ZNRF3: variants seen among roughly 807,000 people sequenced by gnomAD.
ZNRF3 encodes zinc and ring finger 3.
A neutral mutation model predicts 72.5 loss-of-function variants in ZNRF3; 23 were observed. The observed-to-expected ratio is 0.32, with a 90% CI of 0.23 to 0.45. The LOEUF is 0.45. ZNRF3 is among the 20% of genes least tolerant of loss of function. The pLI is 1.00. For missense variants in ZNRF3, 1,169 were observed against 1,272.1 expected (o/e 0.92, Z 1.23); for synonymous variants, 610 against 545.3 (o/e 1.12, Z -1.65).
At position 29,047,311 on chromosome 22, in the gene ZNRF3, A is replaced by G. The variant is rs191918953; in HGVS notation, c.912+428A>G. On this transcript the variant is annotated intron_variant, in intron 6 of 8. Coordinates refer to ENST00000544604, the MANE Select transcript of ZNRF3 (RefSeq NM_001206998.2). Reference sequence around the variant, plus strand: ...ACTAGTACCATAGACGATATATGTCAGGGGCCTAGAATCATCCATGATGAA... The same window carrying G: ...ACTAGTACCATAGACGATATATGTCGGGGGCCTAGAATCATCCATGATGAA... Among the ~76,000 whole-genome samples, 380 of 152,322 alleles carry G rather than the reference A, an allele frequency of 2.5e-3. 1 individual carries two copies. The highest frequency in any genetic ancestry group is 2.5e-3 in the Non-Finnish European group (167 of 68,028).
intron 1 of ZNRF3, among the ~76,000 whole-genome samples, chr22:28,965,049 G>A (rs1326356811): frequency 3.3e-5 from 5 of 152,108 alleles, no homozygotes; most frequent in Non-Finnish European, 7.3e-5. Flanking sequence ...AAAGGATAGA[G>A]CTGGTTCCCA....
chr22:28,966,867 CTTTTT>C (rs530036984), intron 1 of ZNRF3, among the ~76,000 whole-genome samples: 2 of 102,460 alleles, frequency 2.0e-5, no homozygotes, highest in South Asian at 3.3e-4. Context: ...TTTTAAAAAT[CTTTTT>C]TTTTTTTTTT....
At chr22:28,965,956 T>C (rs758764265) in intron 1 of ZNRF3, among the ~76,000 whole-genome samples, 2 of 152,236 alleles carry the variant, frequency 1.3e-5, no homozygotes, top group South Asian at 2.1e-4. Flanking sequence ...TAGTATTTGA[T>C]GTATTGTTAC....
chr22:28,986,122 C>T (rs1233603576), intron 1 of ZNRF3, among the ~76,000 whole-genome samples: 1 of 152,224 alleles, frequency 6.6e-6, no homozygotes, highest in Non-Finnish European at 1.5e-5. Context: ...CAAACTCAAT[C>T]ACATCTGCAA....
chr22:28,937,174 AATATATATATATATAT>A (rs61520434), intron 1 of ZNRF3, among the ~76,000 whole-genome samples: 38 of 78,728 alleles, frequency 4.8e-4, no homozygotes, highest in African/African-American at 2.2e-3. Flanking sequence ...TCTCTCTTAT[AATATATATATATATAT>A]ATATATATAT....
chr22:28,983,127 G>C (rs1335442564), intron 1 of ZNRF3, among the ~76,000 whole-genome samples: 1 of 152,142 alleles, frequency 6.6e-6, no homozygotes, highest in Non-Finnish European at 1.5e-5. Context: ...ATTCCTTTTA[G>C]TTTTAAAGGC....
chr22:28,955,023 A>G (rs891348923), intron 1 of ZNRF3, among the ~76,000 whole-genome samples: 3 of 133,994 alleles, frequency 2.2e-5, no homozygotes, highest in Non-Finnish European at 4.8e-5. Flanking sequence ...GGAAAATGGT[A>G]TTTTTGGTGT....
intron 2 of ZNRF3, among the ~76,000 whole-genome samples, chr22:29,002,806 C>A (rs900981121): frequency 6.6e-6 from 1 of 152,204 alleles, no homozygotes; most frequent in African/African-American, 2.4e-5. Context: ...CTCCAGGCCA[C>A]TCAGCCTTGG....
intron 1 of ZNRF3, among the ~76,000 whole-genome samples, chr22:28,919,536 CTT>C (rs1049657576): frequency 1.2e-4 from 18 of 149,776 alleles, no homozygotes; most frequent in African/African-American, 3.7e-4. Context: ...CTTTTAGCCT[CTT>C]TACTTTTTTT....
intron 1 of ZNRF3, among the ~76,000 whole-genome samples, chr22:28,911,703 A>G (rs1274415655): frequency 1.3e-5 from 2 of 151,458 alleles, no homozygotes; most frequent in African/African-American, 2.4e-5. Flanking sequence ...TTTTTTTTAT[A>G]TATCATGAGT....
chr22:28,934,175 C>T (rs900251068), intron 1 of ZNRF3, among the ~76,000 whole-genome samples: 16 of 152,156 alleles, frequency 1.1e-4, no homozygotes, highest in African/African-American at 3.9e-4. Context: ...TTCTTTACCA[C>T]CTAGCTGTTT....
intron 1 of ZNRF3, among the ~76,000 whole-genome samples, chr22:28,884,284 T>G (rs1259701845): frequency 6.6e-6 from 1 of 152,008 alleles, no homozygotes; most frequent in Non-Finnish European, 1.5e-5. Context: ...CTAGAGCTCC[T>G]GTGAACCCCG....
At chr22:28,920,547 A>C (rs976615299) in intron 1 of ZNRF3, among the ~76,000 whole-genome samples, 3 of 152,234 alleles carry the variant, frequency 2.0e-5, no homozygotes, top group Non-Finnish European at 4.4e-5. Flanking sequence ...CTGGGATTAC[A>C]GGCGTGAGCC....
At chr22:28,954,348 T>C (rs1452338395) in intron 1 of ZNRF3, among the ~76,000 whole-genome samples, 5 of 152,158 alleles carry the variant, frequency 3.3e-5, no homozygotes, top group Non-Finnish European at 5.9e-5. Flanking sequence ...TGTGAGTGAG[T>C]GAGCAAGCTC....
intron 1 of ZNRF3, among the ~76,000 whole-genome samples, chr22:28,884,839 C>T (rs900074079): frequency 2.0e-5 from 3 of 152,198 alleles, no homozygotes; most frequent in African/African-American, 7.2e-5. Context: ...CCAAAGGAAA[C>T]TGGCTAGGGA....
intron 1 of ZNRF3, among the ~76,000 whole-genome samples, chr22:28,934,442 C>T (rs2034782845): frequency 6.6e-6 from 1 of 152,042 alleles, no homozygotes. Flanking sequence ...CCCCTGTTTC[C>T]CCTGAATGTT....
chr22:29,050,098 T>C lies in ZNRF3; in HGVS notation c.1917T>C (p.His639=), dbSNP rs1237822451. ...AGGAGCTCCCGGCGGTGCACAGTCA[T>C]GGTGCTGGGCGGGGCGAGCCTTGGC... The part of the protein sequence containing the change: ...PPEELPAVHS[H]GAGRGEPWPG... Residue 639 remains histidine, a synonymous_variant, in exon 8 of 9, where the codon CAT becomes CAC. Transcript: ENST00000544604. 1.9e-6 allele frequency: 3 copies of C among 1,608,370 alleles called. No homozygotes were observed. Among genetic ancestry groups the C allele is most frequent in the African/African-American group, 1.3e-5 (1 of 74,878 alleles).
At chr22:29,013,762 C>T (rs573285397) in intron 2 of ZNRF3, among the ~76,000 whole-genome samples, 1 of 152,276 alleles carries the variant, frequency 6.6e-6, no homozygotes, top group Non-Finnish European at 1.5e-5. Flanking sequence ...TATCAAGAAC[C>T]AGATTCTATC....
chr22:29,041,209 G>T (rs1187250852), intron 2 of ZNRF3, among the ~76,000 whole-genome samples: 1 of 152,144 alleles, frequency 6.6e-6, no homozygotes, highest in African/African-American at 2.4e-5. Flanking sequence ...ATGAAGTGGT[G>T]CAATCACAAC....
Sources: gnomAD v4.1 joint callset for allele counts (sites outside exome capture counted in the v4.1 genomes callset) on GRCh38, gnomAD v4.1.1 for gene constraint, MANE v1.5 for transcripts, NCBI Gene and HGNC (gene_info 2026-07-23, HGNC 2026-07-21) for gene names.